Variants in WDR6 observed in about 807,000 individuals in gnomAD.
WDR6 encodes the protein tRNA (34-2'-O)-methyltransferase regulator WDR6.
WDR6 carries 58 observed loss-of-function variants against 85.6 expected under a neutral mutation model. The observed-to-expected ratio is 0.68, with a 90% CI of 0.55 to 0.84. The LOEUF (loss-of-function observed/expected upper bound fraction) is 0.84. Ranked by LOEUF, WDR6 falls within the 40% of genes least tolerant of loss-of-function variation. The pLI is 0.00. For missense variants in WDR6, 1,310 were observed against 1,476.4 expected, an observed-to-expected ratio of 0.89 and a Z score of 1.85; for synonymous variants, 569 against 582.2, an observed-to-expected ratio of 0.98 and a Z score of 0.33.
At position 49,013,824 on chromosome 3, in the gene WDR6, G is replaced by T; in HGVS notation, c.2290G>T (p.Ala764Ser). 7.4e-6 allele frequency: 12 copies of T among 1,614,068 alleles called. No homozygotes were observed. The highest frequency in any genetic ancestry group is 1.0e-5 in the Non-Finnish European group (12 of 1,180,008). ...VLALPTTTGSAHALTAVCNHI... is the reference protein window; with the variant it reads ...VLALPTTTGSSHALTAVCNHI... ...AGCACTCCCTACAACCACAGGCTCA[G>T]CCCACGCACTCACAGCTGTTTGTAA... is the stretch of plus-strand genomic sequence containing the variant. The change falls in exon 2 of 6, where the codon GCC becomes TCC. Residue 764 changes from alanine (A) to serine (S), a missense_variant. Physicochemically the swap from Ala to Ser is moderately conservative, Grantham distance 99. Transcript: ENST00000608424. The surrounding 1 kb of genome is among the most constrained non-coding windows in gnomAD (Gnocchi z 4.6).
rs8926 is a variant in WDR6 at position 49,015,352 on chromosome 3, T to A, written c.*64T>A. The A allele has an allele frequency of 0.68, 1,063,982 of 1,557,336 alleles. 368,899 individuals are homozygous for A. The highest frequency in any genetic ancestry group is 0.96 in the East Asian group (42,557 of 44,494). ...GCTCACAGACAGCATGGAGCAGGGA[T>A]GGGCTGTCTGTGCCCATGCTCAGCA... On this transcript the variant is annotated 3_prime_UTR_variant, in exon 6 of 6. Transcript: ENST00000608424.
Position 49,012,501 on chromosome 3 carries a change from C to CGAAT in WDR6, c.968_969insAATG (p.Leu324MetfsTer24). The CGAAT allele has an allele frequency of 6.2e-7, 1 of 1,614,012 alleles. No homozygotes were observed. Among genetic ancestry groups the CGAAT allele is most frequent in the Non-Finnish European group, 8.5e-7 (1 of 1,180,020 alleles). On this transcript the variant is annotated frameshift_variant, in exon 2 of 6. Coordinates refer to ENST00000608424, the MANE Select transcript of WDR6 (RefSeq NM_018031.6). LOFTEE classifies it high-confidence loss of function. This position sits in a 1 kb window ranked among gnomAD's most constrained non-coding sequence, Gnocchi z 4.4. ...CACTGGGGGTGATGACTCAGGCATT[C>CGAAT]GGCTGTGGCACTTGGTAGGGCGTGG...
chr3:49,013,658 G>A lies in WDR6; in HGVS notation c.2124G>A (p.Lys708=). 3.7e-6 allele frequency: 6 copies of A among 1,614,114 alleles called. No homozygotes were observed. The highest frequency in any genetic ancestry group is 5.1e-6 in the Non-Finnish European group (6 of 1,180,000). The change falls in exon 2 of 6, where the codon AAG becomes AAA. Residue 708 remains lysine (K), a synonymous_variant. Coordinates refer to ENST00000608424, the MANE Select transcript of WDR6 (RefSeq NM_018031.6). The surrounding 1 kb of genome is among the most constrained non-coding windows in gnomAD (Gnocchi z 4.6). ...ATGGCCGTGAGATCACTTGTGTAAA[G>A]CGTGTGGGCACCATTACCCTGGGGC... The part of the protein sequence containing the change: ...GLHGREITCV[K]RVGTITLGPE...
At chr3:49,009,806 C>T (rs2093005005) in intron 1 of WDR6, among the ~76,000 whole-genome samples, 1 of 151,654 alleles carries the variant, frequency 6.6e-6, no homozygotes, top group Non-Finnish European at 1.5e-5. Flanking sequence ...CAGGTCACTG[C>T]AACTTCCACC....
chr3:49,014,792 G>A lies in WDR6; in HGVS notation c.2903-33G>A, dbSNP rs1302602415. On this transcript the variant is annotated intron_variant, in intron 5 of 5. Transcript: ENST00000608424. This position sits in a 1 kb window ranked among gnomAD's most constrained non-coding sequence, Gnocchi z 4.9. ...AGCCCTCACACATGTGGCAGGCGGG[G>A]CCCTGACAACTACCCTCTTCCTCTT... The A allele has an allele frequency of 1.2e-5, 20 of 1,603,282 alleles. No individual in the cohort carries two copies. Among genetic ancestry groups the A allele is most frequent in the Middle Eastern group, 1.7e-4 (1 of 6,010 alleles).
chr3:49,015,299 G>A lies in WDR6; in HGVS notation c.*11G>A, dbSNP rs201029359. The A allele has an allele frequency of 6.2e-5, 99 of 1,604,628 alleles. No individual in the cohort carries two copies. In the African/African-American group the frequency reaches 1.1e-3, roughly 18 times the overall value. On this transcript the variant is annotated 3_prime_UTR_variant, in exon 6 of 6. Transcript: ENST00000608424. ...AACTGGTATGACTGAGGTATCCTGC[G>A]GTGGCTGGCGTGCTGGGCATGGGGC...
intron 1 of WDR6, among the ~76,000 whole-genome samples, chr3:49,010,330 TG>T (rs1166487897): frequency 2.7e-5 from 4 of 147,672 alleles, no homozygotes; most frequent in African/African-American, 1.0e-4. Flanking sequence ...GGCGTAAACC[TG>T]GGAGGCAGAG....
At chr3:49,010,692 T>C (rs2093009502) in intron 1 of WDR6, among the ~76,000 whole-genome samples, 1 of 151,064 alleles carries the variant, frequency 6.6e-6, no homozygotes, top group Non-Finnish European at 1.5e-5. Flanking sequence ...CTATTAAAAA[T>C]ACAAAAAATT....
chr3:49,014,101 T>C lies in WDR6; in HGVS notation c.2567T>C (p.Val856Ala). Residue 856 changes from valine to alanine, a missense_variant, in exon 2 of 6, where the codon GTA becomes GCA. Coordinates refer to ENST00000608424, the MANE Select transcript of WDR6 (RefSeq NM_018031.6). The surrounding 1 kb of genome is among the most constrained non-coding windows in gnomAD (Gnocchi z 4.9). ...RQRNRHRMVK[V>A]DPETRYMSLA... is the part of the protein sequence containing the mutation. The stretch of plus-strand genomic sequence containing the variant: ...CGCAATCGGCATCGGATGGTTAAGG[T>C]AGACCCAGAGACCAGGTAATATATG... 6.2e-7 allele frequency: 1 copy of C among 1,613,104 alleles called. No individual in the cohort carries two copies. Among genetic ancestry groups the C allele is most frequent in the Non-Finnish European group, 8.5e-7 (1 of 1,179,516 alleles).
In WDR6 at chr3:49,014,167, AG is replaced by A. The variant is rs2093035686; in HGVS notation, c.2583-41del. 3 of 1,614,144 alleles carry A rather than the reference AG, an allele frequency of 1.9e-6. No homozygotes were observed. Among genetic ancestry groups the A allele is most frequent in the Non-Finnish European group, 2.5e-6 (3 of 1,180,018 alleles). ...TGGTATGGGTCATGCAGATGCTCCC[AG>A]GCTTGCAGGCTCCACCTGACAGCTG... On this transcript the variant is annotated intron_variant, in intron 2 of 5. Transcript: ENST00000608424. The surrounding 1 kb of genome is among the most constrained non-coding windows in gnomAD (Gnocchi z 4.9).
chr3:49,011,451 A>G (rs1443500794), intron 1 of WDR6, 184 bp from the exon 2 acceptor site: 6 of 1,574,766 alleles, frequency 3.8e-6, no homozygotes, highest in Non-Finnish European at 5.1e-6. Context: ...AAGTGCCCAG[A>G]TTACAGGCGT....
At chr3:49,011,176 C>CT (rs1559895306) in intron 1 of WDR6, 1 of 425,936 alleles carries the variant, frequency 2.3e-6, no homozygotes, top group East Asian at 7.1e-5. Flanking sequence ...CCTCCACCCG[C>CT]TGGGTTCAAG....
chr3:49,009,325 G>A (rs1361957682), intron 1 of WDR6, among the ~76,000 whole-genome samples: 5 of 21,578 alleles, frequency 2.3e-4, no homozygotes, highest in South Asian at 2.8e-3. Flanking sequence ...CCCCCCCCCC[G>A]CCCCAACATT....
rs757824968 is a variant in WDR6, at chr3:49,011,715, G to C, written c.181G>C (p.Gly61Arg). The C allele has an allele frequency of 6.2e-7, 1 of 1,614,172 alleles. No individual in the cohort carries two copies. Among genetic ancestry groups the C allele is most frequent in the Non-Finnish European group, 8.5e-7 (1 of 1,180,044 alleles). The change falls in exon 2 of 6, where the codon GGC becomes CGC. Residue 61 changes from glycine to arginine, a missense_variant. Physicochemically the swap from Gly to Arg is moderately radical, Grantham distance 125. Coordinates refer to ENST00000608424, the MANE Select transcript of WDR6 (RefSeq NM_018031.6). ...RMIKRVQNLL[G>R]HYLIHGFRVR... ...GATAAAGCGAGTGCAGAACCTGCTTGGCCACTATCTTATCCATGGCTTCCG... is the reference window on the plus strand; with the variant it reads ...GATAAAGCGAGTGCAGAACCTGCTTCGCCACTATCTTATCCATGGCTTCCG...
rs1392475062 is a variant in WDR6, at chr3:49,013,694, A to G, written c.2160A>G (p.Gly720=). The change falls in exon 2 of 6, where the codon GGA becomes GGG. Residue 720 remains glycine, a synonymous_variant. Transcript: ENST00000608424. This position sits in a 1 kb window ranked among gnomAD's most constrained non-coding sequence, Gnocchi z 4.6. ...VGTITLGPEY[G]VPSFMQPDDL... Reference sequence around the variant, plus strand: ...CCATTACCCTGGGGCCTGAATATGGAGTGCCCAGCTTCATGCAGCCTGATG... The same window carrying G: ...CCATTACCCTGGGGCCTGAATATGGGGTGCCCAGCTTCATGCAGCCTGATG... 2 of 1,614,078 alleles carry G rather than the reference A, an allele frequency of 1.2e-6. No homozygotes were observed. Among genetic ancestry groups the G allele is most frequent in the Admixed American group, 3.3e-5 (2 of 60,010 alleles).
intron 1 of WDR6, among the ~76,000 whole-genome samples, chr3:49,009,977 C>T (rs2093005667): frequency 6.6e-6 from 1 of 151,800 alleles, no homozygotes; most frequent in African/African-American, 2.4e-5. Flanking sequence ...AGCCTCCTGC[C>T]TTCCAAAGTG....
In WDR6 at chr3:49,013,246, G is replaced by C; in HGVS notation, c.1712G>C (p.Gly571Ala). The part of the protein sequence containing the change: ...STLPSLHGKQ[G>A]VTSVTCHGGY... Reference sequence around the variant, plus strand: ...CTGCCCTCTCTGCACGGGAAGCAGGGTGTGACCTCAGTCACATGCCATGGT... The same window carrying C: ...CTGCCCTCTCTGCACGGGAAGCAGGCTGTGACCTCAGTCACATGCCATGGT... The change falls in exon 2 of 6, where the codon GGT becomes GCT. Residue 571 changes from glycine to alanine, a missense_variant. Physicochemically the swap from Gly to Ala is moderately conservative, Grantham distance 60. Coordinates refer to ENST00000608424, the MANE Select transcript of WDR6 (RefSeq NM_018031.6). This position sits in a 1 kb window ranked among gnomAD's most constrained non-coding sequence, Gnocchi z 4.6. The C allele has an allele frequency of 1.2e-6, 2 of 1,614,102 alleles. No individual in the cohort carries two copies. Among genetic ancestry groups the C allele is most frequent in the Non-Finnish European group, 1.7e-6 (2 of 1,180,016 alleles).
chr3:49,015,618 C>T lies in WDR6; in HGVS notation c.*330C>T. ...TGTGGCTCAGTGGAGGGAGACCCAGCATAGCCAGGCCAGTATGGAGCACCT... is the reference window on the plus strand; with the variant it reads ...TGTGGCTCAGTGGAGGGAGACCCAGTATAGCCAGGCCAGTATGGAGCACCT... On this transcript the variant is annotated 3_prime_UTR_variant, in exon 6 of 6. Transcript: ENST00000608424. The T allele has an allele frequency of 6.2e-7, 1 of 1,614,142 alleles. No homozygotes were observed. Among genetic ancestry groups the T allele is most frequent in the Non-Finnish European group, 8.5e-7 (1 of 1,180,030 alleles).
rs1317191012 is a variant in WDR6 at position 49,015,732 on chromosome 3, C to T, written c.*444C>T. On this transcript the variant is annotated 3_prime_UTR_variant, in exon 6 of 6. Transcript: ENST00000608424. ...CCTGAAAGAGAAAGGGCCTGCTGGT[C>T]TCATCCTCTGCTTCCTTTGCCTTTA... The T allele has an allele frequency of 1.9e-6, 3 of 1,614,084 alleles. No individual in the cohort carries two copies. Among genetic ancestry groups the T allele is most frequent in the South Asian group, 2.2e-5 (2 of 91,074 alleles).
Sources: gnomAD v4.1 joint callset for allele counts (sites outside exome capture counted in the v4.1 genomes callset) on GRCh38, gnomAD v4.1.1 for gene constraint, Gnocchi (gnomAD v3.1) non-coding constraint, MANE v1.5 for transcripts, NCBI Gene and HGNC (gene_info 2026-07-23, HGNC 2026-07-21) for gene names.